Variants in SUFU observed in about 807,000 individuals in gnomAD.
SUFU encodes the protein SUFU negative regulator of hedgehog signaling, also known as suppressor of fused homolog.
Under a neutral mutation model 58.9 loss-of-function variants are expected in SUFU, and 7 were observed. The observed-to-expected ratio is 0.12, with a 90% CI of 0.07 to 0.22. SUFU has a LOEUF of 0.22. Ranked by LOEUF, SUFU falls within the 10% of genes least tolerant of loss-of-function variation. The probability of loss-of-function intolerance (pLI) is 1.00; values close to 1 mark genes in which losing one functional copy is unlikely to be tolerated. For synonymous variants in SUFU, 232 were observed against 254.8 expected (o/e 0.91, Z 0.85); for missense variants, 451 against 641.3 (o/e 0.70, Z 3.20).
At chr10:102,533,686 C>T (rs1477619242) in intron 2 of SUFU, among the ~76,000 whole-genome samples, 1 of 152,194 alleles carries the variant, frequency 6.6e-6, no homozygotes, top group African/African-American at 2.4e-5. Context: ...AAGTGAGCAA[C>T]AACAGACAAA....
At chr10:102,517,154 G>A (rs532720236) in intron 2 of SUFU, among the ~76,000 whole-genome samples, 6 of 152,004 alleles carry the variant, frequency 3.9e-5, no homozygotes, top group African/African-American at 1.4e-4. Context: ...TGGGCATGGT[G>A]GCACACACCT....
chr10:102,535,278 A>G (rs1277626420), intron 2 of SUFU, among the ~76,000 whole-genome samples: 1 of 152,016 alleles, frequency 6.6e-6, no homozygotes, highest in African/African-American at 2.4e-5. Context: ...TGAGGTCTGG[A>G]GTTCGAGACC....
At chr10:102,596,230 G>A (rs1590065156) in intron 6 of SUFU, among the ~76,000 whole-genome samples, 1 of 152,216 alleles carries the variant, frequency 6.6e-6, no homozygotes, top group African/African-American at 2.4e-5. Context: ...CAGCAGGCCA[G>A]TGTGGTACCT....
At chr10:102,570,191 C>T (rs2063146037) in intron 3 of SUFU, among the ~76,000 whole-genome samples, 1 of 151,800 alleles carries the variant, frequency 6.6e-6, no homozygotes, top group Non-Finnish European at 1.5e-5. Context: ...GCTGGGTGTG[C>T]AGTTGGTGAT....
Position 102,592,733 on chromosome 10 carries a change from C to T in SUFU, c.597+9C>T, listed in dbSNP as rs768196164. On this transcript the variant is annotated intron_variant, in intron 4 of 11. Transcript: ENST00000369902. ...TAGTTACCTTCCTCCAGGTGAGGCA[C>T]AGGTTGGACGCTGGCTCAAGCCTTC... The T allele has an allele frequency of 6.2e-7, 1 of 1,613,796 alleles. No homozygotes were observed. Among genetic ancestry groups the T allele is most frequent in the African/African-American group, 1.3e-5 (1 of 75,054 alleles).
chr10:102,522,608 C>G lies in SUFU; in HGVS notation c.317+13305C>G, dbSNP rs1180232227. On this transcript the variant is annotated intron_variant, in intron 2 of 11. Transcript: ENST00000369902. ...ACAAATGGGCTACCATTTAGGGCTT[C>G]TGTCACACAGGAAGTCAGATAACTT... Among the ~76,000 whole-genome samples, 4 of 152,180 alleles carry G rather than the reference C, an allele frequency of 2.6e-5. No homozygotes were observed. The East Asian group carries it at 5.8e-4, about 22-fold the overall frequency.
At position 102,516,125 on chromosome 10, in the gene SUFU, C is replaced by CTTTTTTTTT. The variant is rs60544094; in HGVS notation, c.317+6832_317+6840dup. ...TCTTTTCTTTTTCTTTCTTTCTTTT[C>CTTTTTTTTT]TTTTTTTTTTTTTTTTTTGAGATAG... On this transcript the variant is annotated intron_variant, in intron 2 of 11. Transcript: ENST00000369902. 4.1e-4 allele frequency among the ~76,000 whole-genome samples: 51 copies of CTTTTTTTTT among 125,546 alleles called. 1 individual carries two copies. Among genetic ancestry groups the CTTTTTTTTT allele is most frequent in the Non-Finnish European group, 5.8e-4 (35 of 60,440 alleles). 82.4% of individuals were successfully genotyped at this position (125,546 alleles called of 152,430 possible).
chr10:102,574,550 C>T (rs1158166588), intron 3 of SUFU, among the ~76,000 whole-genome samples: 1 of 152,078 alleles, frequency 6.6e-6, no homozygotes, highest in Non-Finnish European at 1.5e-5. Flanking sequence ...GAATTTGAGC[C>T]TGCAGTGAGC....
chr10:102,519,040 C>G (rs932128233), intron 2 of SUFU, among the ~76,000 whole-genome samples: 36 of 150,074 alleles, frequency 2.4e-4, no homozygotes, highest in Middle Eastern at 3.5e-3. Context: ...AGGCGGGAGG[C>G]TGAGGCAGGA....
intron 2 of SUFU, among the ~76,000 whole-genome samples, chr10:102,546,653 C>T (rs1398002864): frequency 6.6e-6 from 1 of 152,234 alleles, no homozygotes; most frequent in Admixed American, 6.5e-5. Flanking sequence ...GATGGAATGA[C>T]CTTGTCACTT....
intron 10 of SUFU, among the ~76,000 whole-genome samples, 167 bp from the exon 11 acceptor site, chr10:102,627,008 G>T (rs1482499261): frequency 6.6e-6 from 1 of 152,046 alleles, no homozygotes; most frequent in Admixed American, 6.6e-5. Context: ...GGGTGTGGGG[G>T]GAATGACAGC....
intron 3 of SUFU, among the ~76,000 whole-genome samples, chr10:102,559,444 A>G (rs951869622): frequency 2.6e-5 from 4 of 152,226 alleles, no homozygotes; most frequent in African/African-American, 9.6e-5. Context: ...TGGGCCTGGG[A>G]AGAGAATGTT....
intron 2 of SUFU, among the ~76,000 whole-genome samples, chr10:102,535,172 G>A (rs1361790314): frequency 2.6e-5 from 4 of 152,148 alleles, no homozygotes; most frequent in Non-Finnish European, 2.9e-5. Context: ...CAGGAGGAAG[G>A]GGAAGAGGAA....
In SUFU at chr10:102,573,045, G is replaced by T. The variant is rs955437354; in HGVS notation, c.455-19537G>T. 31 of 874,522 alleles carry T rather than the reference G, an allele frequency of 3.5e-5. No individual in the cohort carries two copies. In the East Asian group the frequency reaches 4.8e-4, roughly 14 times the overall value. The allele number at this position is 874,522 out of a possible 1,614,324, so 54.2% of individuals were successfully genotyped here. On this transcript the variant is annotated intron_variant, in intron 3 of 11. Transcript: ENST00000369902. Reference sequence around the variant, plus strand: ...TGTTCTCCGGGGTTGGTCTTCTGAGGGTACTTGGGCTGCCTCCAGAATCGC... The same window carrying T: ...TGTTCTCCGGGGTTGGTCTTCTGAGTGTACTTGGGCTGCCTCCAGAATCGC...
intron 3 of SUFU, among the ~76,000 whole-genome samples, chr10:102,559,026 C>T (rs1376943359): frequency 6.6e-6 from 1 of 152,204 alleles, no homozygotes; most frequent in African/African-American, 2.4e-5. Context: ...CTGAGTTGTT[C>T]TTAACTTCTC....
chr10:102,556,809 T>G (rs1590026042), intron 3 of SUFU, among the ~76,000 whole-genome samples: 2 of 132,624 alleles, frequency 1.5e-5, no homozygotes, highest in Admixed American at 7.9e-5. Flanking sequence ...GGAAGATGGG[T>G]GGGGCACAGT....
At chr10:102,576,500 G>A (rs2063213659) in intron 3 of SUFU, among the ~76,000 whole-genome samples, 1 of 152,008 alleles carries the variant, frequency 6.6e-6, no homozygotes, top group South Asian at 2.1e-4. Flanking sequence ...TGCACCTTTA[G>A]GTTGTTGCCA....
At chr10:102,557,104 G>C (rs1021378692) in intron 3 of SUFU, among the ~76,000 whole-genome samples, 6 of 152,060 alleles carry the variant, frequency 3.9e-5, no homozygotes, top group Admixed American at 6.6e-5. Flanking sequence ...TTAGCTTGAT[G>C]TGGTGGTATG....
chr10:102,561,866 G>A (rs908235786), intron 3 of SUFU, among the ~76,000 whole-genome samples: 21 of 151,770 alleles, frequency 1.4e-4, no homozygotes, highest in Admixed American at 3.9e-4. Flanking sequence ...ACAGGATTTC[G>A]CCATGTTGCC....
Sources: gnomAD v4.1 joint callset for allele counts (sites outside exome capture counted in the v4.1 genomes callset) on GRCh38, gnomAD v4.1.1 for gene constraint, MANE v1.5 for transcripts, NCBI Gene and HGNC (gene_info 2026-07-23, HGNC 2026-07-21) for gene names.